SH3GL3: variants seen among roughly 807,000 people sequenced by gnomAD.
SH3GL3 encodes the protein endophilin-A3.
Under a neutral mutation model 47.7 loss-of-function variants are expected in SH3GL3, and 33 were observed. The observed-to-expected ratio is 0.69, with a 90% CI of 0.52 to 0.92. The LOEUF is 0.92. SH3GL3 is among the 40% of genes least tolerant of loss of function. SH3GL3 has a pLI of 0.00. For missense variants in SH3GL3, 363 were observed against 417.8 expected (o/e 0.87, Z 1.14); for synonymous variants, 155 against 148.8 (o/e 1.04, Z -0.30).
At chr15:83,508,736 C>T (rs1394112014) in intron 1 of SH3GL3, among the ~76,000 whole-genome samples, 1 of 152,136 alleles carries the variant, frequency 6.6e-6, no homozygotes, top group African/African-American at 2.4e-5. Flanking sequence ...TGCCACCACA[C>T]CCACTTAATA....
intron 1 of SH3GL3, among the ~76,000 whole-genome samples, chr15:83,497,823 C>T (rs2042141222): frequency 6.6e-6 from 1 of 152,210 alleles, no homozygotes; most frequent in Non-Finnish European, 1.5e-5. Flanking sequence ...GCATTTGTGT[C>T]TTTATTTTTG....
At chr15:83,594,069 T>G (rs1032993093) in intron 8 of SH3GL3, among the ~76,000 whole-genome samples, 1 of 152,198 alleles carries the variant, frequency 6.6e-6, no homozygotes, top group African/African-American at 2.4e-5. Flanking sequence ...TTCGCCTGCT[T>G]CGGCCTTCCA....
intron 8 of SH3GL3, among the ~76,000 whole-genome samples, chr15:83,605,082 G>T (rs879711783): frequency 1.4e-4 from 21 of 152,192 alleles, no homozygotes; most frequent in Admixed American, 1.4e-3. Flanking sequence ...TCCCTAGACA[G>T]ATTAAGTTCC....
At chr15:83,629,651 C>T in the SH3GL3 span, among the ~76,000 whole-genome samples, 49 of 152,038 alleles carry the variant, frequency 3.2e-4, no homozygotes, top group African/African-American at 1.1e-3. Context: ...GAGATCCCAT[C>T]CCTACAAAAA....
intron 5 of SH3GL3, among the ~76,000 whole-genome samples, chr15:83,576,360 C>CA (rs1596295333): frequency 6.6e-6 from 1 of 152,286 alleles, no homozygotes; most frequent in East Asian, 1.9e-4. Flanking sequence ...ATTCTATCAC[C>CA]GATCTGTCCA....
intron 5 of SH3GL3, 115 bp from the exon 6 acceptor site, chr15:83,576,468 C>T (rs2059682107): frequency 4.3e-6 from 4 of 927,936 alleles, no homozygotes; most frequent in Non-Finnish European, 6.3e-6. Context: ...AAGGTGGGTT[C>T]CTGCCCTCTG....
intron 1 of SH3GL3, among the ~76,000 whole-genome samples, chr15:83,544,780 T>C: frequency 6.6e-6 from 1 of 152,186 alleles, no homozygotes; most frequent in East Asian, 1.9e-4. Context: ...TGAAGGATAT[T>C]TTTGTAGGAT....
intron 8 of SH3GL3, among the ~76,000 whole-genome samples, chr15:83,599,996 G>T (rs2060338204): frequency 6.6e-6 from 1 of 151,936 alleles, no homozygotes. Flanking sequence ...CTTCTTTTGA[G>T]AATTGTCTAT....
At chr15:83,547,343 G>A (rs1441269061) in intron 1 of SH3GL3, among the ~76,000 whole-genome samples, 5 of 152,204 alleles carry the variant, frequency 3.3e-5, no homozygotes, top group Non-Finnish European at 7.3e-5. Flanking sequence ...TTTCCACTGT[G>A]ACAGGGCAGC....
At chr15:83,483,993 G>A (rs1567259381) in intron 1 of SH3GL3, among the ~76,000 whole-genome samples, 2 of 152,190 alleles carry the variant, frequency 1.3e-5, no homozygotes, top group African/African-American at 4.8e-5. Context: ...TGAGATCTGT[G>A]TTTTGAATCA....
intron 1 of SH3GL3, among the ~76,000 whole-genome samples, chr15:83,540,731 T>C (rs1209018880): frequency 1.3e-5 from 2 of 152,188 alleles, no homozygotes; most frequent in Non-Finnish European, 2.9e-5. Flanking sequence ...TGTGTAATGA[T>C]TGTCAGGGTA....
chr15:83,474,307 G>T (rs1470136361), intron 1 of SH3GL3, among the ~76,000 whole-genome samples: 1 of 152,134 alleles, frequency 6.6e-6, no homozygotes, highest in African/African-American at 2.4e-5. Flanking sequence ...GTGAATTGGG[G>T]CCTGAATGTC....
At chr15:83,479,411 T>G (rs1041425261) in intron 1 of SH3GL3, among the ~76,000 whole-genome samples, 1 of 151,750 alleles carries the variant, frequency 6.6e-6, no homozygotes, top group Non-Finnish European at 1.5e-5. Context: ...GTAGGGAGAG[T>G]GACGGGGAGG....
rs192600102 is a variant in SH3GL3 at position 83,585,565 on chromosome 15, C to T, written c.625-1418C>T. Reference sequence around the variant, plus strand: ...AGAAAAATTGTTTCTGTAACAAATTCTACTACGATCGTGCTAGGCCATGGC... The same window carrying T: ...AGAAAAATTGTTTCTGTAACAAATTTTACTACGATCGTGCTAGGCCATGGC... On this transcript the variant is annotated intron_variant, in intron 6 of 8. Coordinates refer to ENST00000427482, the MANE Select transcript of SH3GL3 (RefSeq NM_003027.5). Among the ~76,000 whole-genome samples the T allele has an allele frequency of 2.8e-3, 421 of 152,318 alleles. 1 individual carries two copies. Among genetic ancestry groups the T allele is most frequent in the Non-Finnish European group, 5.5e-3 (371 of 68,026 alleles).
chr15:83,496,885 T>C (rs560416356), intron 1 of SH3GL3, among the ~76,000 whole-genome samples: 30 of 152,284 alleles, frequency 2.0e-4, no homozygotes, highest in Non-Finnish European at 2.9e-4. Context: ...CCTGGCTCTT[T>C]TCCTGAAGCT....
At chr15:83,522,107 G>A (rs978788007) in intron 1 of SH3GL3, among the ~76,000 whole-genome samples, 10 of 152,124 alleles carry the variant, frequency 6.6e-5, no homozygotes, top group African/African-American at 2.2e-4. Flanking sequence ...TCTTGGGTGA[G>A]ATTTGGGGCT....
At chr15:83,530,957 C>T (rs1292098612) in intron 1 of SH3GL3, among the ~76,000 whole-genome samples, 2 of 152,146 alleles carry the variant, frequency 1.3e-5, no homozygotes, top group African/African-American at 4.8e-5. Flanking sequence ...TAACAACCCC[C>T]CACCCACACC....
intron 5 of SH3GL3, among the ~76,000 whole-genome samples, chr15:83,574,333 G>A (rs1208321608): frequency 6.6e-6 from 1 of 152,046 alleles, no homozygotes; most frequent in Non-Finnish European, 1.5e-5. Flanking sequence ...CACACCCCTT[G>A]GCCCCGACAC....
chr15:83,525,382 T>TC (rs2043378378), intron 1 of SH3GL3, among the ~76,000 whole-genome samples: 1 of 88,298 alleles, frequency 1.1e-5, no homozygotes, highest in Admixed American at 1.2e-4. Flanking sequence ...GTGTGTGTTT[T>TC]GCTGTGGAGT....
Sources: gnomAD v4.1 joint callset for allele counts (sites outside exome capture counted in the v4.1 genomes callset) on GRCh38, gnomAD v4.1.1 for gene constraint, MANE v1.5 for transcripts, NCBI Gene and HGNC (gene_info 2026-07-23, HGNC 2026-07-21) for gene names.